VWA5A: variants seen among roughly 807,000 people sequenced by gnomAD.
VWA5A encodes the protein von Willebrand factor A domain containing 5A, also known as von Willebrand factor A domain-containing protein 5A.
A neutral mutation model predicts 84.6 loss-of-function variants in VWA5A; 77 were observed. The ratio of observed to expected loss-of-function variants is 0.91; its 90% CI spans 0.76 to 1.10. VWA5A has a LOEUF of 1.10. Ranked by LOEUF, VWA5A falls within the 50% of genes least tolerant of loss-of-function variation. The probability of loss-of-function intolerance (pLI) is 0.00; values close to 1 mark genes in which losing one functional copy is unlikely to be tolerated. For synonymous variants in VWA5A, 334 were observed against 350.1 expected (o/e 0.95, Z 0.51); for missense variants, 973 against 963.0 (o/e 1.01, Z -0.14).
intron 14 of VWA5A, among the ~76,000 whole-genome samples, 168 bp downstream of exon 14, chr11:124,136,842 C>G (rs1217779488): frequency 6.8e-6 from 1 of 147,750 alleles, no homozygotes; most frequent in Non-Finnish European, 1.5e-5. Context: ...ATTCTGGGCT[C>G]CATTGTAATT....
At position 124,123,656 on chromosome 11, in the gene VWA5A, T is replaced by C. The variant is rs781518799; in HGVS notation, c.1020-4T>C. The C allele has an allele frequency of 6.2e-7, 1 of 1,614,132 alleles. No individual in the cohort carries two copies. On this transcript the variant is annotated splice_region_variant and splice_polypyrimidine_tract_variant and intron_variant, in intron 9 of 18. Coordinates refer to ENST00000456829, the MANE Select transcript of VWA5A (RefSeq NM_001130142.2). ...ATGTAACTGGGTGTGTTTGTTTTTCTCAGGGAGAGTGTGAAGTACACTCAG... is the reference window on the plus strand; with the variant it reads ...ATGTAACTGGGTGTGTTTGTTTTTCCCAGGGAGAGTGTGAAGTACACTCAG...
intron 13 of VWA5A, 117 bp downstream of exon 13, chr11:124,136,410 G>A (rs1448078537): frequency 2.0e-6 from 3 of 1,469,250 alleles, no homozygotes; most frequent in African/African-American, 1.4e-5. Flanking sequence ...AGTATAGCTA[G>A]CCTACTTCCT....
intron 11 of VWA5A, among the ~76,000 whole-genome samples, chr11:124,127,258 C>G (rs565580939): frequency 1.1e-3 from 169 of 151,324 alleles, no homozygotes; most frequent in Non-Finnish European, 1.4e-3. Context: ...TAAGTGAGAA[C>G]ATGCAGTGTT....
chr11:124,144,649 G>C (rs766896078), intron 17 of VWA5A, among the ~76,000 whole-genome samples: 1 of 152,186 alleles, frequency 6.6e-6, no homozygotes, highest in Non-Finnish European at 1.5e-5. Context: ...GAAAGCTGAA[G>C]CTGGGAGCAG....
At chr11:124,129,923 A>C (rs974684612) in intron 11 of VWA5A, among the ~76,000 whole-genome samples, 10 of 152,138 alleles carry the variant, frequency 6.6e-5, no homozygotes, top group African/African-American at 2.2e-4. Flanking sequence ...TCTTTTCAAA[A>C]AGCCAGCTCC....
In VWA5A at chr11:124,117,774, G is replaced by T. The variant is rs1864857578; in HGVS notation, c.145G>T (p.Ala49Ser). The T allele has an allele frequency of 1.2e-6, 2 of 1,614,224 alleles. No individual in the cohort carries two copies. Among genetic ancestry groups the T allele is most frequent in the Admixed American group, 1.7e-5 (1 of 60,034 alleles). The change falls in exon 4 of 19, where the codon GCC becomes TCC. Residue 49 changes from alanine to serine, a missense_variant. Physicochemically the swap from Ala to Ser is moderately conservative, Grantham distance 99. Coordinates refer to ENST00000456829, the MANE Select transcript of VWA5A (RefSeq NM_001130142.2). Reference protein sequence around the residue: ...YENEEKVPLEAFFVFPMDEDS... With the variant: ...YENEEKVPLESFFVFPMDEDS... ...GAATGAGGAGAAAGTTCCTTTGGAG[G>T]CCTTCTTTGTGTTCCCCATGGATGA... is the stretch of plus-strand genomic sequence containing the variant.
In VWA5A at chr11:124,146,219, C is replaced by G. The variant is rs1188827346; in HGVS notation, c.*274C>G. The G allele has an allele frequency of 3.4e-6, 1 of 289,952 alleles. No homozygotes were observed. The highest frequency in any genetic ancestry group is 6.4e-6 in the Non-Finnish European group (1 of 155,268). 18.0% of individuals were successfully genotyped at this position (289,952 alleles called of 1,614,324 possible). A position where few individuals can be genotyped will look rare whatever the true frequency, so the allele number is the denominator to read the frequency against. On this transcript the variant is annotated 3_prime_UTR_variant, in exon 19 of 19. Transcript: ENST00000456829. ...AACATTCATAGGCAGTAATGTTCCT[C>G]CCAGGGTTTCCAGGGAAACAACATG...
In VWA5A at chr11:124,145,999, G is replaced by T; in HGVS notation, c.*54G>T. Reference sequence around the variant, plus strand: ...TAATTTGCTACTGTCATTTCCTCTAGTATCACTTTTGCTGTGATGATGTGT... The same window carrying T: ...TAATTTGCTACTGTCATTTCCTCTATTATCACTTTTGCTGTGATGATGTGT... On this transcript the variant is annotated 3_prime_UTR_variant, in exon 19 of 19. Coordinates refer to ENST00000456829, the MANE Select transcript of VWA5A (RefSeq NM_001130142.2). The T allele has an allele frequency of 6.5e-7, 1 of 1,529,536 alleles. No individual in the cohort carries two copies. The highest frequency in any genetic ancestry group is 8.9e-7 in the Non-Finnish European group (1 of 1,125,630). The allele number at this position is 1,529,536 out of a possible 1,614,324, so 94.7% of individuals were successfully genotyped here.
Position 124,117,711 on chromosome 11 carries a change from G to A in VWA5A, c.82G>A (p.Glu28Lys), listed in dbSNP as rs1478404571. The A allele has an allele frequency of 2.5e-6, 4 of 1,614,172 alleles. No individual in the cohort carries two copies. The highest frequency in any genetic ancestry group is 1.7e-5 in the Admixed American group (1 of 60,032). ...TATCTCTGTGAGCGTGAACATTTAC[G>A]AGTTTGTGGCTGGTGTGTCTGCAAC... The part of the protein sequence containing the change: ...KSISVSVNIY[E>K]FVAGVSATLN... Residue 28 changes from glutamate to lysine, a missense_variant, in exon 4 of 19, where the codon GAG becomes AAG. Glu to Lys is a moderately conservative substitution (Grantham distance 56, BLOSUM62 1). Transcript: ENST00000456829.
In VWA5A at chr11:124,123,025, T is replaced by C; in HGVS notation, c.826T>C (p.Ser276Pro). 1 of 1,614,150 alleles carries C rather than the reference T, an allele frequency of 6.2e-7. No individual in the cohort carries two copies. Among genetic ancestry groups the C allele is most frequent in the Non-Finnish European group, 8.5e-7 (1 of 1,180,032 alleles). The change falls in exon 8 of 19, where the codon TCA becomes CCA. Residue 276 changes from serine to proline, a missense_variant. Ser to Pro is a moderately conservative substitution (Grantham distance 74, BLOSUM62 -1). Coordinates refer to ENST00000456829, the MANE Select transcript of VWA5A (RefSeq NM_001130142.2). ...FYPNIPEDQP[S>P]NTCGEFIFLM... ...TCCAAATATCCCAGAAGATCAACCA[T>C]CAAATACCTGTGGAGAGTTTATCTT... is the stretch of plus-strand genomic sequence containing the variant.
In VWA5A at chr11:124,118,594, C is replaced by T. The variant is rs890364642; in HGVS notation, c.531C>T (p.Pro177=). 5.0e-6 allele frequency: 8 copies of T among 1,614,074 alleles called. No homozygotes were observed. The African/African-American group carries it at 1.1e-4, about 22-fold the overall frequency. The part of the protein sequence containing the change: ...KTPIVPVEDL[P]YTLSMVATID... ...CTATAGTCCCTGTGGAGGACCTGCC[C>T]TACACACTCAGCATGGTCGCCACCA... The change falls in exon 6 of 19, where the codon CCC becomes CCT. Residue 177 remains proline (P), a synonymous_variant. Transcript: ENST00000456829.
chr11:124,142,569 C>T lies in VWA5A; in HGVS notation c.2151C>T (p.Ala717=), dbSNP rs140075877. 8 of 1,613,916 alleles carry T rather than the reference C, an allele frequency of 5.0e-6. No individual in the cohort carries two copies. Among genetic ancestry groups the T allele is most frequent in the South Asian group, 1.1e-5 (1 of 91,032 alleles). Residue 717 remains alanine (A), a synonymous_variant, in exon 17 of 19, where the codon GCC becomes GCT. Coordinates refer to ENST00000456829, the MANE Select transcript of VWA5A (RefSeq NM_001130142.2). ...AAGAAATAATGGCTGCACAGCCTGC[C>T]GAGGTAAGATTCAATGGAAAAAGGA... is the stretch of plus-strand genomic sequence containing the variant. ...SLEEIMAAQP[A]ELVDSSGWAT... is the part of the protein sequence containing the mutation.
chr11:124,123,799 C>G lies in VWA5A; in HGVS notation c.1159C>G (p.Leu387Val). The change falls in exon 10 of 19, where the codon CTA (leucine) becomes GTA (valine). Residue 387 changes from leucine (L) to valine (V), a missense_variant. Coordinates refer to ENST00000456829, the MANE Select transcript of VWA5A (RefSeq NM_001130142.2). ...GGGACCCTCCATCCCAGGCCACCCC[C>G]TACAGGTAAGAAGTGGAACAGAGCT... ...YRGPSIPGHPLQLFVFTDGEV... is the reference protein window; with the variant it reads ...YRGPSIPGHPVQLFVFTDGEV... 6.4e-7 allele frequency: 1 copy of G among 1,570,388 alleles called. No individual in the cohort carries two copies. The highest frequency in any genetic ancestry group is 1.7e-4 in the Middle Eastern group (1 of 5,780).
At chr11:124,117,425 G>GTATT in intron 2 of VWA5A, 72 bp from the exon 3 acceptor site, 2 of 1,372,614 alleles carry the variant, frequency 1.5e-6, no homozygotes, top group Non-Finnish European at 2.1e-6. Flanking sequence ...CCAGAGAAAG[G>GTATT]CACATAAAGT....
In VWA5A at chr11:124,141,707, T is replaced by C. The variant is rs770020147; in HGVS notation, c.1989T>C (p.Cys663=). The change falls in exon 16 of 19, where the codon TGT becomes TGC. Residue 663 remains cysteine, a synonymous_variant. Coordinates refer to ENST00000456829, the MANE Select transcript of VWA5A (RefSeq NM_001130142.2). ...KTFQMDDYSL[C]GLISHKDQHS... ...TCCAGATGGACGATTACAGTCTCTGTGGGTTGATAAGTCACAAGGACCAGC... is the reference window on the plus strand; with the variant it reads ...TCCAGATGGACGATTACAGTCTCTGCGGGTTGATAAGTCACAAGGACCAGC... The C allele has an allele frequency of 6.8e-6, 11 of 1,614,060 alleles. No homozygotes were observed. The South Asian group carries it at 1.1e-4, about 16-fold the overall frequency.
At chr11:124,130,153 G>C (rs2137646746) in intron 11 of VWA5A, among the ~76,000 whole-genome samples, 1 of 152,328 alleles carries the variant, frequency 6.6e-6, no homozygotes, top group Non-Finnish European at 1.5e-5. Context: ...TGCTTTAGCT[G>C]TGTCCCAGAA....
rs755192052 is a variant in VWA5A at position 124,141,692 on chromosome 11, C to T, written c.1974C>T (p.Asp658=). The T allele has an allele frequency of 9.3e-6, 15 of 1,613,978 alleles. No individual in the cohort carries two copies. Among genetic ancestry groups the T allele is most frequent in the East Asian group, 4.5e-5 (2 of 44,882 alleles). Residue 658 remains aspartate, a synonymous_variant, in exon 16 of 19, where the codon GAC becomes GAT. Transcript: ENST00000456829. Reference sequence around the variant, plus strand: ...ATAAGGCCAAGACATTCCAGATGGACGATTACAGTCTCTGTGGGTTGATAA... The same window carrying T: ...ATAAGGCCAAGACATTCCAGATGGATGATTACAGTCTCTGTGGGTTGATAA... ...MCYKAKTFQM[D]DYSLCGLISH... is the part of the protein sequence containing the mutation.
intron 1 of VWA5A, 146 bp downstream of exon 1, chr11:124,115,628 C>T (rs544906224): frequency 5.3e-5 from 8 of 152,310 alleles, no homozygotes; most frequent in African/African-American, 1.9e-4. Flanking sequence ...GGATTTCATC[C>T]TGATGTATGA....
intron 11 of VWA5A, among the ~76,000 whole-genome samples, chr11:124,134,230 C>G (rs542427882): frequency 1.3e-5 from 2 of 152,256 alleles, no homozygotes; most frequent in African/African-American, 2.4e-5. Flanking sequence ...AATGCTGATG[C>G]CACTAGACTT....
Sources: gnomAD v4.1 joint callset for allele counts (sites outside exome capture counted in the v4.1 genomes callset) on GRCh38, gnomAD v4.1.1 for gene constraint, MANE v1.5 for transcripts, NCBI Gene and HGNC (gene_info 2026-07-23, HGNC 2026-07-21) for gene names.